Variants in REDIC1 observed in about 807,000 individuals in gnomAD.
REDIC1 encodes the protein regulator of DNA class I crossover intermediates 1.
the REDIC1 span, among the ~76,000 whole-genome samples, chr12:39,856,517 T>A: frequency 1.3e-5 from 2 of 152,208 alleles, no homozygotes; most frequent in Admixed American, 6.5e-5. Flanking sequence ...TACAGGCGCA[T>A]GCCACCATGC....
chr12:39,680,750 G>C, the REDIC1 span, among the ~76,000 whole-genome samples: 11 of 143,032 alleles, frequency 7.7e-5, no homozygotes, highest in African/African-American at 2.8e-4. Context: ...CCAATGAGTG[G>C]GTGAAGAAAA....
At chr12:39,668,630 G>A in the REDIC1 span, among the ~76,000 whole-genome samples, 1 of 152,160 alleles carries the variant, frequency 6.6e-6, no homozygotes, top group South Asian at 2.1e-4. Flanking sequence ...GGTTCTCCTG[G>A]ATAATATCCT....
At chr12:39,677,196 G>A in the REDIC1 span, among the ~76,000 whole-genome samples, 2 of 152,104 alleles carry the variant, frequency 1.3e-5, no homozygotes, top group Non-Finnish European at 2.9e-5. Context: ...GTCTTCAAGA[G>A]ACTTATGTAA....
At chr12:39,769,246 T>A in the REDIC1 span, among the ~76,000 whole-genome samples, 3 of 152,152 alleles carry the variant, frequency 2.0e-5, no homozygotes, top group African/African-American at 7.2e-5. Flanking sequence ...ATTAAAATAT[T>A]TCTTACTATC....
At chr12:39,713,825 A>C in the REDIC1 span, among the ~76,000 whole-genome samples, 1 of 146,788 alleles carries the variant, frequency 6.8e-6, no homozygotes, top group South Asian at 2.1e-4. Flanking sequence ...ATACGTGTAT[A>C]CATGTATATA....
the REDIC1 span, among the ~76,000 whole-genome samples, chr12:39,633,230 G>GT: frequency 5.9e-5 from 9 of 151,952 alleles, no homozygotes; most frequent in Non-Finnish European, 1.0e-4. Flanking sequence ...CTTAGTCTAA[G>GT]TTTTTTCTAT....
the REDIC1 span, among the ~76,000 whole-genome samples, chr12:39,732,954 C>T: frequency 6.6e-6 from 1 of 151,980 alleles, no homozygotes; most frequent in African/African-American, 2.4e-5. Flanking sequence ...ACCATTTCTC[C>T]AAGAAGTCTT....
chr12:39,877,976 T>C, the REDIC1 span, among the ~76,000 whole-genome samples: 1 of 152,082 alleles, frequency 6.6e-6, no homozygotes, highest in African/African-American at 2.4e-5. Flanking sequence ...AAGTGTGAGG[T>C]ACCTCCCCTG....
chr12:39,679,069 A>G, the REDIC1 span, among the ~76,000 whole-genome samples: 1 of 152,162 alleles, frequency 6.6e-6, no homozygotes. Context: ...CACCACTTCT[A>G]TTCAACATAG....
At chr12:39,834,974 C>A in the REDIC1 span, among the ~76,000 whole-genome samples, 1 of 152,068 alleles carries the variant, frequency 6.6e-6, no homozygotes, top group Non-Finnish European at 1.5e-5. Context: ...CTAGGAATGG[C>A]TATTACATTT....
the REDIC1 span, among the ~76,000 whole-genome samples, chr12:39,736,498 T>C: frequency 6.6e-6 from 1 of 152,216 alleles, no homozygotes; most frequent in Non-Finnish European, 1.5e-5. Flanking sequence ...GTGAAAGGAA[T>C]ATAAAAATTT....
the REDIC1 span, among the ~76,000 whole-genome samples, chr12:39,793,536 T>C: frequency 1.3e-5 from 2 of 152,136 alleles, no homozygotes; most frequent in African/African-American, 2.4e-5. Context: ...GTGGGGGTAC[T>C]TGTATAGTAC....
At chr12:39,809,209 A>C in the REDIC1 span, among the ~76,000 whole-genome samples, 1 of 152,110 alleles carries the variant, frequency 6.6e-6, no homozygotes, top group African/African-American at 2.4e-5. Flanking sequence ...TTTTTTATTG[A>C]AAATCAATTG....
the REDIC1 span, among the ~76,000 whole-genome samples, chr12:39,832,297 A>T: frequency 6.6e-6 from 1 of 152,164 alleles, no homozygotes; most frequent in African/African-American, 2.4e-5. Context: ...TATGAAGTTA[A>T]ATTTAACAAT....
chr12:39,636,102 G>T, the REDIC1 span, among the ~76,000 whole-genome samples: 1 of 151,804 alleles, frequency 6.6e-6, no homozygotes, highest in African/African-American at 2.4e-5. Flanking sequence ...ATATACTTAT[G>T]TGTTGGAGTG....
At chr12:39,681,078 C>T in the REDIC1 span, among the ~76,000 whole-genome samples, 1 of 152,064 alleles carries the variant, frequency 6.6e-6, no homozygotes, top group African/African-American at 2.4e-5. Flanking sequence ...TTGAGACCAC[C>T]CTGGCCAACA....
chr12:39,806,542 A>T, the REDIC1 span, among the ~76,000 whole-genome samples: 3 of 152,174 alleles, frequency 2.0e-5, no homozygotes, highest in Non-Finnish European at 4.4e-5. Context: ...GTCCACAAAA[A>T]GTCATGTTCT....
At chr12:39,637,836 G>T in the REDIC1 span, among the ~76,000 whole-genome samples, 1 of 151,954 alleles carries the variant, frequency 6.6e-6, no homozygotes, top group Non-Finnish European at 1.5e-5. Context: ...TCTTATTACG[G>T]TTGTCTTATT....
chr12:39,803,954 T>TA, the REDIC1 span, among the ~76,000 whole-genome samples: 10 of 151,648 alleles, frequency 6.6e-5, no homozygotes, highest in East Asian at 1.9e-4. Flanking sequence ...GCTACAGAAT[T>TA]AAAAAAACAA....
Sources: allele counts gnomAD v4.1 joint callset (sites outside exome capture counted in the v4.1 genomes callset), GRCh38; gene constraint gnomAD v4.1.1; transcripts MANE v1.5; gene names NCBI Gene and HGNC (gene_info 2026-07-23, HGNC 2026-07-21).